The following CLK4 variants were observed in gnomAD, a reference collection of about 807,000 sequenced individuals.
The protein encoded by CLK4 is CDC like kinase 4, also known as dual specificity protein kinase CLK4.
CLK4 carries 37 observed loss-of-function variants against 64.4 expected under a neutral mutation model. The observed-to-expected ratio is 0.57, with a 90% confidence interval of 0.44 to 0.76. The LOEUF (loss-of-function observed/expected upper bound fraction) is 0.76. Among genes scored for constraint, CLK4 ranks in the 30% least tolerant of loss-of-function variants. The pLI is 0.00. For missense variants in CLK4, 457 were observed against 605.1 expected (o/e 0.76, Z 2.57); for synonymous variants, 175 against 191.6 (o/e 0.91, Z 0.72).
intron 5 of CLK4, among the ~76,000 whole-genome samples, chr5:178,615,131 A>T (rs1751397653): frequency 6.6e-6 from 1 of 152,164 alleles, no homozygotes; most frequent in African/African-American, 2.4e-5. Context: ...CAGAAGGATC[A>T]CTTGAGGCCA....
Position 178,603,716 on chromosome 5 carries a change from A to T in CLK4, c.1347T>A (p.Phe449Leu). 6.2e-7 allele frequency: 1 copy of T among 1,603,902 alleles called. No individual in the cohort carries two copies. The highest frequency in any genetic ancestry group is 8.5e-7 in the Non-Finnish European group (1 of 1,177,054). Reference protein sequence around the residue: ...LCHDEEHEKLFDLVRRMLEYD... With the variant: ...LCHDEEHEKLLDLVRRMLEYD... The stretch of plus-strand genomic sequence containing the variant: ...ATTCTAACATTCTTCGAACCAGGTC[A>T]AACAGTTTCTCATGTTCTTCATCAT... The change falls in exon 13 of 13, where the codon TTT becomes TTA. Residue 449 changes from phenylalanine (F) to leucine (L), a missense_variant. Physicochemically the swap from Phe to Leu is conservative, Grantham distance 22. Coordinates refer to ENST00000316308, the MANE Select transcript of CLK4 (RefSeq NM_020666.3).
In CLK4 at chr5:178,608,375, C is replaced by T; in HGVS notation, c.1134+1G>A. ...TTAAATGGAATTTACTAGCCACGTA[C>T]CTGAAAGACTGTGAAACCAAGGTAA... On this transcript the variant is annotated splice_donor_variant, in intron 10 of 12. Coordinates refer to ENST00000316308, the MANE Select transcript of CLK4 (RefSeq NM_020666.3). LOFTEE classifies it high-confidence loss of function. 6.3e-7 allele frequency: 1 copy of T among 1,589,896 alleles called. No individual in the cohort carries two copies. Among genetic ancestry groups the T allele is most frequent in the Non-Finnish European group, 8.6e-7 (1 of 1,166,278 alleles).
At chr5:178,616,807 T>C in intron 5 of CLK4, 75 bp downstream of exon 5, 1 of 1,133,228 alleles carries the variant, frequency 8.8e-7, no homozygotes, top group Non-Finnish European at 1.3e-6. Context: ...AATAAATAAA[T>C]AAAATTTCAT....
rs116324770 is a variant in CLK4 at position 178,612,989 on chromosome 5, G to A, written c.827-99C>T. ...GCAAAGGATATAGTGGTCAAGAGAC[G>A]ATTCATCTTTACTTGTAAAATGTCT... On this transcript the variant is annotated intron_variant, in intron 7 of 12. Transcript: ENST00000316308. 9.8e-3 allele frequency: 5,394 copies of A among 552,690 alleles called. 230 individuals carry two copies. The highest frequency in any genetic ancestry group is 0.093 in the African/African-American group (4,819 of 51,802). The allele number at this position is 552,690 out of a possible 1,614,324, so 34.2% of individuals were successfully genotyped here.
In CLK4 at chr5:178,605,320, G is replaced by A; in HGVS notation, c.1197C>T (p.His399=). Residue 399 remains histidine (H), a synonymous_variant, in exon 11 of 13, where the codon CAC becomes CAT. Coordinates refer to ENST00000316308, the MANE Select transcript of CLK4 (RefSeq NM_020666.3). ...MERILGPIPQ[H]MIQKTRKRKY... is the part of the protein sequence containing the mutation. Reference sequence around the variant, plus strand: ...AAACATACCTTGTTTTCTGAATCATGTGTTGTGGTATGGGTCCTAATATTC... The same window carrying A: ...AAACATACCTTGTTTTCTGAATCATATGTTGTGGTATGGGTCCTAATATTC... The A allele has an allele frequency of 1.3e-6, 2 of 1,585,238 alleles. No homozygotes were observed. The highest frequency in any genetic ancestry group is 1.7e-6 in the Non-Finnish European group (2 of 1,168,628).
At chr5:178,618,463 T>C in intron 3 of CLK4, 93 bp downstream of exon 3, 1 of 374,774 alleles carries the variant, frequency 2.7e-6, no homozygotes, top group Non-Finnish European at 4.4e-6. Flanking sequence ...TAGTATTTTA[T>C]ATATATATAT....
intron 10 of CLK4, among the ~76,000 whole-genome samples, chr5:178,607,996 T>C (rs1764492333): frequency 6.6e-6 from 1 of 152,228 alleles, no homozygotes; most frequent in Non-Finnish European, 1.5e-5. Flanking sequence ...TCCCTTGTTG[T>C]TTCTGAATTC....
chr5:178,614,224 TA>T (rs1425386170), intron 5 of CLK4, among the ~76,000 whole-genome samples: 2 of 152,200 alleles, frequency 1.3e-5, no homozygotes, highest in Non-Finnish European at 2.9e-5. Context: ...TATTAGTGAT[TA>T]AAAGACGGGG....
intron 9 of CLK4, among the ~76,000 whole-genome samples, chr5:178,611,296 C>T (rs1485430370): frequency 1.3e-5 from 2 of 152,182 alleles, no homozygotes; most frequent in Non-Finnish European, 2.9e-5. Context: ...TACCCTTACA[C>T]AGTAGCTCCT....
chr5:178,609,058 C>T (rs765805685), intron 9 of CLK4, among the ~76,000 whole-genome samples: 21 of 152,222 alleles, frequency 1.4e-4, no homozygotes, highest in African/African-American at 2.6e-4. Flanking sequence ...ACATAAACAT[C>T]GGCGCTGTCT....
chr5:178,608,460 T>G lies in CLK4; in HGVS notation c.1052-2A>C. On this transcript the variant is annotated splice_acceptor_variant, in intron 9 of 12. Coordinates refer to ENST00000316308, the MANE Select transcript of CLK4 (RefSeq NM_020666.3). LOFTEE classifies it high-confidence loss of function. ...CACAAGGCTGAGACCAACCTAAAGC[T>G]ATTTTAAAACAAATAGAAACATTTT... 6.3e-7 allele frequency: 1 copy of G among 1,598,496 alleles called. No homozygotes were observed. The highest frequency in any genetic ancestry group is 8.5e-7 in the Non-Finnish European group (1 of 1,174,354).
In CLK4 at chr5:178,603,315, G is replaced by A. The variant is rs1764413850; in HGVS notation, c.*302C>T. 1 of 179,378 alleles carries A rather than the reference G, an allele frequency of 5.6e-6. No homozygotes were observed. Among genetic ancestry groups the A allele is most frequent in the Non-Finnish European group, 1.2e-5 (1 of 86,214 alleles). 11.1% of individuals were successfully genotyped at this position (179,378 alleles called of 1,614,324 possible). On this transcript the variant is annotated 3_prime_UTR_variant, in exon 13 of 13. Coordinates refer to ENST00000316308, the MANE Select transcript of CLK4 (RefSeq NM_020666.3). ...TTTACTCAAAAAAAATCACTTCAGA[G>A]GTGACCTCCATGTACAAAAGGCAAG...
intron 5 of CLK4, 100 bp downstream of exon 5, chr5:178,616,782 G>C: frequency 2.3e-6 from 2 of 884,756 alleles, no homozygotes; most frequent in Non-Finnish European, 3.6e-6. Flanking sequence ...GGCAACAGAG[G>C]CCCTATCTCA....
intron 10 of CLK4, among the ~76,000 whole-genome samples, chr5:178,606,655 T>A (rs555669663): frequency 6.6e-6 from 1 of 152,128 alleles, no homozygotes; most frequent in East Asian, 1.9e-4. Flanking sequence ...TTGCATCACC[T>A]AAAGCTTTCA....
chr5:178,610,102 A>C (rs1483743914), intron 9 of CLK4, among the ~76,000 whole-genome samples: 3 of 151,798 alleles, frequency 2.0e-5, no homozygotes, highest in Middle Eastern at 3.4e-3. Flanking sequence ...CAGCCTGGCC[A>C]ATGTGGTGAA....
At chr5:178,603,809 GT>G (rs1764420243) in intron 12 of CLK4, 34 bp downstream of exon 12, 7 of 1,585,174 alleles carry the variant, frequency 4.4e-6, no homozygotes, top group Non-Finnish European at 6.0e-6. Flanking sequence ...GTGCAAACAC[GT>G]GGTTTATTTA....
chr5:178,616,172 C>A (rs915685443), intron 5 of CLK4, among the ~76,000 whole-genome samples: 2 of 152,152 alleles, frequency 1.3e-5, no homozygotes, highest in African/African-American at 2.4e-5. Context: ...TCACCGCAAC[C>A]TCCGCCTTCC....
intron 1 of CLK4, among the ~76,000 whole-genome samples, chr5:178,625,139 G>A (rs565163376): frequency 3.9e-5 from 6 of 152,292 alleles, no homozygotes; most frequent in Non-Finnish European, 7.4e-5. Flanking sequence ...ATTTACTTGA[G>A]GCAAAAGGCC....
intron 1 of CLK4, among the ~76,000 whole-genome samples, chr5:178,626,350 G>A (rs1445297509): frequency 2.0e-5 from 3 of 152,208 alleles, no homozygotes; most frequent in Non-Finnish European, 4.4e-5. Flanking sequence ...ACAATGTTGT[G>A]TTCAGCATAG....
Sources: allele counts gnomAD v4.1 joint callset (sites outside exome capture counted in the v4.1 genomes callset), GRCh38; gene constraint gnomAD v4.1.1; transcripts MANE v1.5; gene names NCBI Gene and HGNC (gene_info 2026-07-23, HGNC 2026-07-21).